Variants in TRIM36 observed in about 807,000 individuals in gnomAD.
TRIM36 encodes the protein E3 ubiquitin-protein ligase TRIM36.
TRIM36 carries 42 observed loss-of-function variants against 72.4 expected under a neutral mutation model. That is an observed-to-expected ratio of 0.58 (90% CI 0.45 to 0.75). The LOEUF is 0.75. TRIM36 is among the 30% of genes least tolerant of loss of function. The probability of loss-of-function intolerance (pLI) is 0.00; values close to 1 mark genes in which losing one functional copy is unlikely to be tolerated. For synonymous variants in TRIM36, 315 were observed against 282.8 expected, an observed-to-expected ratio of 1.11 and a Z score of -1.14; for missense variants, 913 against 857.1, an observed-to-expected ratio of 1.07 and a Z score of -0.81.
At chr5:115,156,320 A>G (rs1202843300) in intron 2 of TRIM36, among the ~76,000 whole-genome samples, 2 of 152,092 alleles carry the variant, frequency 1.3e-5, no homozygotes, top group African/African-American at 4.8e-5. Flanking sequence ...AAATTCTAAA[A>G]TTCATATGGA....
intron 9 of TRIM36, among the ~76,000 whole-genome samples, chr5:115,130,276 A>T (rs1013155384): frequency 6.6e-6 from 1 of 152,248 alleles, no homozygotes; most frequent in South Asian, 2.1e-4. Flanking sequence ...AATCAGACGC[A>T]TTGTATTATA....
In TRIM36 at chr5:115,137,111, T is replaced by C. The variant is rs1203582578; in HGVS notation, c.1099A>G (p.Thr367Ala). Reference sequence around the variant, plus strand: ...GGTCTAAAGCTCTTCAAAGATTCTGTGGCTTTCTGTATTCTGCAGACAGAT... The same window carrying C: ...GGTCTAAAGCTCTTCAAAGATTCTGCGGCTTTCTGTATTCTGCAGACAGAT... ...KQLHLRIQKA[T>A]ESLKSFRPAA... The change falls in exon 7 of 10, where the codon ACA becomes GCA. Residue 367 changes from threonine (T) to alanine (A), a missense_variant. Coordinates refer to ENST00000513154, the MANE Select transcript of TRIM36 (RefSeq NM_001300759.2). 2 of 1,597,800 alleles carry C rather than the reference T, an allele frequency of 1.3e-6. No homozygotes were observed. The highest frequency in any genetic ancestry group is 1.4e-5 in the African/African-American group (1 of 73,892).
Position 115,137,085 on chromosome 5 carries a change from A to T in TRIM36, c.1125T>A (p.Pro375=). ...AGTCTTCAAAAGAAGTCTGAGCTGC[A>T]GGTCTAAAGCTCTTCAAAGATTCTG... ...KATESLKSFR[P]AAQTSFEDYV... Residue 375 remains proline, a synonymous_variant, in exon 7 of 10, where the codon CCT becomes CCA. Transcript: ENST00000513154. The T allele has an allele frequency of 1.2e-6, 2 of 1,610,606 alleles. No individual in the cohort carries two copies. The highest frequency in any genetic ancestry group is 1.7e-6 in the Non-Finnish European group (2 of 1,178,946).
At chr5:115,171,257 G>A, upstream of TRIM36, 1 of 1,611,868 alleles carries the variant, frequency 6.2e-7, no homozygotes, top group South Asian at 1.1e-5. Context: ...AACACTGAGG[G>A]ACTATAGCAA....
chr5:115,129,749 T>A (rs948139790), intron 9 of TRIM36, among the ~76,000 whole-genome samples: 2 of 152,218 alleles, frequency 1.3e-5, no homozygotes, highest in African/African-American at 4.8e-5. Context: ...TGAAGCTTTT[T>A]CACCTTTATC....
intron 1 of TRIM36, among the ~76,000 whole-genome samples, chr5:115,164,709 C>A (rs1478706212): frequency 6.6e-6 from 1 of 152,188 alleles, no homozygotes; most frequent in Non-Finnish European, 1.5e-5. Flanking sequence ...GTGGCCCTGG[C>A]CCCTCCCAAA....
intron 2 of TRIM36, among the ~76,000 whole-genome samples, chr5:115,163,044 G>A (rs183649885): frequency 9.0e-4 from 135 of 149,936 alleles, no homozygotes; most frequent in African/African-American, 3.2e-3. Flanking sequence ...TGCAACCTCC[G>A]CCTCCCAGGT....
intron 1 of TRIM36, 48 bp from the exon 2 acceptor site, chr5:115,163,800 A>G (rs371054466): frequency 4.6e-4 from 645 of 1,415,992 alleles, no homozygotes; most frequent in Non-Finnish European, 5.8e-4. Flanking sequence ...GGGTAAATAT[A>G]TTAACATTCT....
At chr5:115,179,951 G>A in intron 1 of TRIM36, 1 of 1,612,064 alleles carries the variant, frequency 6.2e-7, no homozygotes, top group Admixed American at 1.7e-5. Context: ...CCCAGGCCGC[G>A]GCGCCCCGCG....
chr5:115,148,018 G>A (rs866057600), intron 2 of TRIM36, among the ~76,000 whole-genome samples: 2 of 152,108 alleles, frequency 1.3e-5, no homozygotes, highest in Admixed American at 6.5e-5. Flanking sequence ...GCTTTCCCAC[G>A]TAGTATTGTT....
upstream of TRIM36, among the ~76,000 whole-genome samples, chr5:115,173,917 G>T (rs891348321): frequency 1.3e-5 from 2 of 152,014 alleles, no homozygotes; most frequent in Middle Eastern, 3.4e-3. Flanking sequence ...TCTACTTCTG[G>T]TATTACTTAA....
intron 4 of TRIM36, among the ~76,000 whole-genome samples, chr5:115,141,684 C>T (rs748630052): frequency 5.3e-5 from 8 of 152,026 alleles, no homozygotes; most frequent in Non-Finnish European, 8.8e-5. Context: ...TCCTAGAGCT[C>T]CTGCTCCTAA....
chr5:115,130,290 G>A (rs11951833), intron 9 of TRIM36, among the ~76,000 whole-genome samples: 2,564 of 152,264 alleles, frequency 0.017, 54 homozygotes, highest in African/African-American at 0.052. Flanking sequence ...TATTATATAC[G>A]TGGGTAATTT....
intron 2 of TRIM36, among the ~76,000 whole-genome samples, chr5:115,150,749 C>T (rs79022108): frequency 6.6e-6 from 1 of 152,334 alleles, no homozygotes; most frequent in African/African-American, 2.4e-5. Flanking sequence ...GGGAGATTGT[C>T]TGCCCCTGAA....
intron 8 of TRIM36, among the ~76,000 whole-genome samples, chr5:115,131,168 G>C (rs542114864): frequency 6.6e-6 from 1 of 152,078 alleles, no homozygotes; most frequent in African/African-American, 2.4e-5. Context: ...AATACAGATA[G>C]CAAATCTATC....
chr5:115,174,008 A>G (rs1302948485), upstream of TRIM36: 2 of 152,194 alleles, frequency 1.3e-5, no homozygotes, highest in Non-Finnish European at 1.5e-5. Context: ...TCCCCTCTCC[A>G]AACACACACA....
chr5:115,142,641 A>C (rs1753339605), intron 4 of TRIM36, among the ~76,000 whole-genome samples: 1 of 152,230 alleles, frequency 6.6e-6, no homozygotes, highest in South Asian at 2.1e-4. Flanking sequence ...CTCCAGTCAT[A>C]ATAGTCCCCT....
At chr5:115,156,542 G>A (rs940593453) in intron 2 of TRIM36, among the ~76,000 whole-genome samples, 4 of 152,132 alleles carry the variant, frequency 2.6e-5, no homozygotes, top group African/African-American at 9.7e-5. Context: ...CTTCAGCAAA[G>A]CAAACAAAAA....
intron 1 of TRIM36, among the ~76,000 whole-genome samples, chr5:115,166,096 G>A (rs537071362): frequency 2.6e-5 from 4 of 152,178 alleles, no homozygotes; most frequent in Non-Finnish European, 5.9e-5. Context: ...ACCATGAACA[G>A]CAGTGGGAGG....
Sources: allele counts gnomAD v4.1 joint callset (sites outside exome capture counted in the v4.1 genomes callset), GRCh38; gene constraint gnomAD v4.1.1; transcripts MANE v1.5; gene names NCBI Gene and HGNC (gene_info 2026-07-23, HGNC 2026-07-21).